TNPO3: variants seen among roughly 807,000 people sequenced by gnomAD.
TNPO3 encodes the protein transportin 3.
TNPO3 carries 65 observed loss-of-function variants against 122.8 expected under a neutral mutation model. The ratio of observed to expected loss-of-function variants is 0.53; its 90% CI spans 0.43 to 0.65. TNPO3 has a LOEUF of 0.65. Among genes scored for constraint, TNPO3 ranks in the 30% least tolerant of loss-of-function variants. The probability of loss-of-function intolerance (pLI) is 0.00; values close to 1 mark genes in which losing one functional copy is unlikely to be tolerated. For missense variants in TNPO3, 850 were observed against 1,136.7 expected (o/e 0.75, Z 3.63); for synonymous variants, 372 against 411.2 (o/e 0.90, Z 1.15).
At chr7:128,968,831 C>G (rs941095496) in intron 20 of TNPO3, among the ~76,000 whole-genome samples, 1 of 152,150 alleles carries the variant, frequency 6.6e-6, no homozygotes, top group Non-Finnish European at 1.5e-5. Context: ...CTACCTCACC[C>G]TCCTGAGTAG....
intron 1 of TNPO3, among the ~76,000 whole-genome samples, chr7:129,024,046 C>G (rs1804831320): frequency 6.6e-6 from 1 of 152,158 alleles, no homozygotes; most frequent in South Asian, 2.1e-4. Flanking sequence ...AATCTACATG[C>G]CTTTGAATCT....
At chr7:129,017,831 A>G in intron 2 of TNPO3, 126 bp downstream of exon 2, 1 of 933,584 alleles carries the variant, frequency 1.1e-6, no homozygotes, top group Admixed American at 2.7e-5. Context: ...TCCACTTACA[A>G]GAACATAGCA....
At chr7:128,967,773 CTCT>C (rs1425966605) in intron 20 of TNPO3, among the ~76,000 whole-genome samples, 1 of 152,120 alleles carries the variant, frequency 6.6e-6, no homozygotes, top group Non-Finnish European at 1.5e-5. Context: ...CACTCGCTCT[CTCT>C]TTTTTGAGAT....
Position 128,970,223 on chromosome 7 carries a change from G to A in TNPO3, c.2523C>T (p.Cys841=). 2.5e-6 allele frequency: 4 copies of A among 1,614,172 alleles called. No individual in the cohort carries two copies. The highest frequency in any genetic ancestry group is 1.1e-5 in the South Asian group (1 of 91,080). The change falls in exon 20 of 23, where the codon TGC becomes TGT. Residue 841 remains cysteine, a synonymous_variant. Coordinates refer to ENST00000265388, the MANE Select transcript of TNPO3 (RefSeq NM_012470.4). Reference sequence around the variant, plus strand: ...GGGTATAGGGGGGGAGGCAAAAGCAGCAGGTGTGCAGCAGCTGGCTGACAA... The same window carrying A: ...GGGTATAGGGGGGGAGGCAAAAGCAACAGGTGTGCAGCAGCTGGCTGACAA... ...QQLVSQLLHT[C]CFCLPPYTLP...
intron 1 of TNPO3, among the ~76,000 whole-genome samples, chr7:129,054,306 C>G (rs1349167004): frequency 6.6e-6 from 1 of 152,098 alleles, no homozygotes; most frequent in African/African-American, 2.4e-5. Flanking sequence ...TGGAGAAACA[C>G]TGGGGTTGGA....
At position 128,986,790 on chromosome 7, in the gene TNPO3, C is replaced by CA. The variant is rs1800203405; in HGVS notation, c.1628_1629insT (p.Glu543AspfsTer34). On this transcript the variant is annotated frameshift_variant, in exon 12 of 23. Coordinates refer to ENST00000265388, the MANE Select transcript of TNPO3 (RefSeq NM_012470.4). LOFTEE classifies it high-confidence loss of function. The stretch of plus-strand genomic sequence containing the variant: ...GGAAGGAATCGAGGGAGCGGGCAAT[C>CA]TCCAGGAGTCCATTAAAGTGCTGAG... 6.2e-7 allele frequency: 1 copy of CA among 1,614,006 alleles called. No homozygotes were observed.
chr7:129,001,108 T>G lies in TNPO3; in HGVS notation c.823A>C (p.Thr275Pro). ...GCCATATGATAGGCAGTCTCCAATG[T>G]CAGCACTCCCTGAAAAAGTTGCATG... ...LAMQLFQGVL[T>P]LETAYHMAVA... Residue 275 changes from threonine to proline, a missense_variant, in exon 6 of 23, where the codon ACA becomes CCA. Coordinates refer to ENST00000265388, the MANE Select transcript of TNPO3 (RefSeq NM_012470.4). 5 of 1,614,184 alleles carry G rather than the reference T, an allele frequency of 3.1e-6. No individual in the cohort carries two copies. Among genetic ancestry groups the G allele is most frequent in the Non-Finnish European group, 4.2e-6 (5 of 1,180,018 alleles).
At chr7:129,027,931 T>TA (rs1458426629) in intron 1 of TNPO3, among the ~76,000 whole-genome samples, 10 of 152,330 alleles carry the variant, frequency 6.6e-5, no homozygotes, top group African/African-American at 1.9e-4. Flanking sequence ...ACTGATACGT[T>TA]AGGCCACAAA....
rs1323706641 is a variant in TNPO3, at chr7:128,979,919, G to A, written c.1920+52C>T. On this transcript the variant is annotated intron_variant, in intron 15 of 22. Transcript: ENST00000265388. The stretch of plus-strand genomic sequence containing the variant: ...TCTCAGGTGAGTTACCCAAAGCCCT[G>A]TAAGGAAAAAAGAAGCAAGCCTTGA... The A allele has an allele frequency of 3.9e-6, 6 of 1,550,498 alleles. No homozygotes were observed. The Admixed American group carries it at 8.3e-5, about 22-fold the overall frequency.
chr7:128,978,986 T>C lies in TNPO3; in HGVS notation c.2058A>G (p.Thr686=), dbSNP rs1585330590. The change falls in exon 16 of 23, where the codon ACA becomes ACG. Residue 686 remains threonine, a synonymous_variant. Coordinates refer to ENST00000265388, the MANE Select transcript of TNPO3 (RefSeq NM_012470.4). Reference sequence around the variant, plus strand: ...CCCCCGCAACAGATAACTTTACCTGTGTGACTAGTGGCTGCAGCAGTGCTG... The same window carrying C: ...CCCCCGCAACAGATAACTTTACCTGCGTGACTAGTGGCTGCAGCAGTGCTG... ...GSAALLQPLV[T]QMVNVYHVHQ... 4.3e-6 allele frequency: 7 copies of C among 1,613,990 alleles called. No individual in the cohort carries two copies. Among genetic ancestry groups the C allele is most frequent in the Non-Finnish European group, 5.9e-6 (7 of 1,179,992 alleles).
At chr7:129,009,197 A>C (rs1802913364) in intron 4 of TNPO3, among the ~76,000 whole-genome samples, 1 of 152,252 alleles carries the variant, frequency 6.6e-6, no homozygotes. Context: ...CAAAAATGTT[A>C]GAAGCACAGG....
In TNPO3 at chr7:129,036,575, T is replaced by C. The variant is rs138891671; in HGVS notation, c.120+18076A>G. ...CAGACTGATAATACCATCATATCAA[T>C]GTCAAATTTCTTGAGAGTGACAACA... On this transcript the variant is annotated intron_variant, in intron 1 of 22. Transcript: ENST00000265388. Among the ~76,000 whole-genome samples the C allele has an allele frequency of 9.8e-5, 15 of 152,308 alleles. No homozygotes were observed. In the East Asian group the frequency reaches 2.3e-3, roughly 23 times the overall value.
Position 128,970,253 on chromosome 7 carries a change from C to T in TNPO3, c.2493G>A (p.Gln831=), listed in dbSNP as rs1372089867. 6.2e-7 allele frequency: 1 copy of T among 1,613,918 alleles called. No homozygotes were observed. Among genetic ancestry groups the T allele is most frequent in the Non-Finnish European group, 8.5e-7 (1 of 1,179,896 alleles). Residue 831 remains glutamine, a synonymous_variant, in exon 20 of 23, where the codon CAG becomes CAA. Coordinates refer to ENST00000265388, the MANE Select transcript of TNPO3 (RefSeq NM_012470.4). The part of the protein sequence containing the change: ...LIGQVMNQLG[Q]QLVSQLLHTC... ...TGTGCAGCAGCTGGCTGACAAGCTG[C>T]TGTCCAAGCTGGTTCATCACCTGTC...
chr7:128,980,154 G>T, intron 14 of TNPO3, 123 bp from the exon 15 acceptor site: 1 of 849,810 alleles, frequency 1.2e-6, no homozygotes, highest in Non-Finnish European at 2.0e-6. Context: ...AGATGATAAA[G>T]TCATTTACTT....
In TNPO3 at chr7:129,027,558, C is replaced by CAAAAAAA. The variant is rs71162549; in HGVS notation, c.121-9408_121-9402dup. Among the ~76,000 whole-genome samples, 32 of 8,958 alleles carry CAAAAAAA rather than the reference C, an allele frequency of 3.6e-3. 1 individual carries two copies. Among genetic ancestry groups the CAAAAAAA allele is most frequent in the Admixed American group, 7.7e-3 (3 of 392 alleles). 5.9% of individuals were successfully genotyped at this position (8,958 alleles called of 152,430 possible). On this transcript the variant is annotated intron_variant, in intron 1 of 22. Coordinates refer to ENST00000265388, the MANE Select transcript of TNPO3 (RefSeq NM_012470.4). ...CCTGGGCAACAGAGCAAGACTGTCT[C>CAAAAAAA]AAAAAAAAAAAAAAAAAAAAAAAAA...
At chr7:129,054,587 C>A (rs541345172) in intron 1 of TNPO3, 64 bp downstream of exon 1, 1 of 1,599,820 alleles carries the variant, frequency 6.3e-7, no homozygotes, top group Non-Finnish European at 8.5e-7. Flanking sequence ...AGGTTCTCCC[C>A]CGGAGCCTAG....
chr7:128,973,815 A>G (rs1798761673), intron 18 of TNPO3, among the ~76,000 whole-genome samples: 1 of 149,352 alleles, frequency 6.7e-6, no homozygotes, highest in Non-Finnish European at 1.5e-5. Context: ...AAAAAAAAAA[A>G]AAAAGAAAAG....
At chr7:129,031,150 C>T (rs1805891878) in intron 1 of TNPO3, among the ~76,000 whole-genome samples, 1 of 151,944 alleles carries the variant, frequency 6.6e-6, no homozygotes. Context: ...AATAAATAAA[C>T]TAGCCAGGCC....
intron 12 of TNPO3, 129 bp from the exon 13 acceptor site, chr7:128,984,388 G>T: frequency 1.9e-6 from 1 of 523,074 alleles, no homozygotes; most frequent in East Asian, 3.0e-5. Flanking sequence ...GATCAGCATT[G>T]TTTTTTAAAA....
Sources: gnomAD v4.1 joint callset for allele counts (sites outside exome capture counted in the v4.1 genomes callset) on GRCh38, gnomAD v4.1.1 for gene constraint, MANE v1.5 for transcripts, NCBI Gene and HGNC (gene_info 2026-07-23, HGNC 2026-07-21) for gene names.